The following ALK variants were observed in gnomAD, a reference collection of about 807,000 sequenced individuals.
ALK encodes the protein ALK receptor tyrosine kinase, also known as ALK tyrosine kinase receptor.
ALK carries 74 observed loss-of-function variants against 163.1 expected under a neutral mutation model. The ratio of observed to expected loss-of-function variants is 0.45; its 90% CI spans 0.38 to 0.55. The LOEUF is 0.55. Among genes scored for constraint, ALK ranks in the 20% least tolerant of loss-of-function variants. The probability of loss-of-function intolerance (pLI) is 0.00; values close to 1 mark genes in which losing one functional copy is unlikely to be tolerated. For synonymous variants in ALK, 960 were observed against 843.2 expected (o/e 1.14, Z -2.40); for missense variants, 2,063 against 2,105.3 (o/e 0.98, Z 0.39).
chr2:29,522,599 G>A (rs1672843867), intron 4 of ALK, among the ~76,000 whole-genome samples: 1 of 152,110 alleles, frequency 6.6e-6, no homozygotes, highest in Non-Finnish European at 1.5e-5. Context: ...TGGTCACAAG[G>A]CTACATGGTC....
intron 1 of ALK, among the ~76,000 whole-genome samples, chr2:29,759,945 T>C (rs1680653431): frequency 6.6e-6 from 1 of 152,232 alleles, no homozygotes; most frequent in East Asian, 1.9e-4. Context: ...TGGGAACAGC[T>C]GTTATCAACA....
chr2:29,747,467 A>C (rs777027071), intron 1 of ALK, among the ~76,000 whole-genome samples: 3 of 152,244 alleles, frequency 2.0e-5, no homozygotes, highest in Non-Finnish European at 2.9e-5. Context: ...ATCAGGATAC[A>C]TCGGTTTTGG....
intron 15 of ALK, among the ~76,000 whole-genome samples, chr2:29,229,764 C>G (rs1448583392): frequency 6.6e-6 from 1 of 152,184 alleles, no homozygotes; most frequent in African/African-American, 2.4e-5. Flanking sequence ...AGGCAGAACA[C>G]ACGCGTGCAG....
intron 6 of ALK, 100 bp from the exon 7 acceptor site, chr2:29,320,982 A>G (rs1022161925): frequency 2.1e-6 from 3 of 1,405,836 alleles, no homozygotes; most frequent in East Asian, 2.3e-5. Context: ...AATTATCTTC[A>G]TTAGTAATAT....
rs542062418 is a variant in ALK at position 29,607,038 on chromosome 2, G to A, written c.953-74922C>T. 1.8e-4 allele frequency among the ~76,000 whole-genome samples: 28 copies of A among 152,292 alleles called. 2 individuals carry two copies. The East Asian group carries it at 5.4e-3, about 29-fold the overall frequency. On this transcript the variant is annotated intron_variant, in intron 3 of 28. Coordinates refer to ENST00000389048, the MANE Select transcript of ALK (RefSeq NM_004304.5). ...TCACCTGACCTATCAGCATTCCACA[G>A]AGCATGGGGAGCACAGGCAGTGAAA...
At chr2:29,656,643 A>G (rs1189337670) in intron 3 of ALK, among the ~76,000 whole-genome samples, 8 of 152,204 alleles carry the variant, frequency 5.3e-5, no homozygotes, top group Non-Finnish European at 8.8e-5. Flanking sequence ...AAGGAACCTG[A>G]AACACAAAGA....
intron 5 of ALK, among the ~76,000 whole-genome samples, chr2:29,377,595 G>A (rs185367541): frequency 6.6e-5 from 10 of 152,150 alleles, no homozygotes; most frequent in Admixed American, 3.9e-4. Context: ...GGTTCTAGGC[G>A]CCCCCAAAGA....
chr2:29,729,349 A>AAGAGAG, intron 1 of ALK, among the ~76,000 whole-genome samples: 1 of 152,304 alleles, frequency 6.6e-6, no homozygotes, highest in South Asian at 2.1e-4. Context: ...GAGAGAAAAG[A>AAGAGAG]AGAGAGAGGA....
chr2:29,226,503 G>T, intron 18 of ALK, among the ~76,000 whole-genome samples: 1 of 135,774 alleles, frequency 7.4e-6, no homozygotes. Context: ...AAAAAAAAAA[G>T]AGGAGGAGAA....
At chr2:29,844,212 C>G (rs113578780) in intron 1 of ALK, among the ~76,000 whole-genome samples, 1 of 152,100 alleles carries the variant, frequency 6.6e-6, no homozygotes, top group African/African-American at 2.4e-5. Flanking sequence ...AAGAAAACAA[C>G]GCATGCATAT....
chr2:29,759,524 T>G (rs935426646), intron 1 of ALK, among the ~76,000 whole-genome samples: 2 of 152,204 alleles, frequency 1.3e-5, no homozygotes, highest in African/African-American at 4.8e-5. Flanking sequence ...CAGGATACAG[T>G]GCAGGAATCT....
chr2:29,661,433 T>C (rs1011972326), intron 3 of ALK, among the ~76,000 whole-genome samples: 1 of 152,224 alleles, frequency 6.6e-6, no homozygotes, highest in Non-Finnish European at 1.5e-5. Context: ...TGCATTTTCA[T>C]TGAATGATAT....
chr2:29,548,610 G>A (rs1283472559), intron 3 of ALK, among the ~76,000 whole-genome samples: 1 of 152,120 alleles, frequency 6.6e-6, no homozygotes, highest in East Asian at 1.9e-4. Flanking sequence ...TCATCGCAGC[G>A]AAGGCTTCTG....
chr2:29,688,934 C>T (rs1290290395), intron 3 of ALK, among the ~76,000 whole-genome samples: 1 of 152,202 alleles, frequency 6.6e-6, no homozygotes, highest in African/African-American at 2.4e-5. Flanking sequence ...GAAGCCTGCA[C>T]TAGCACATTT....
At chr2:29,593,213 G>C (rs1287006132) in intron 3 of ALK, among the ~76,000 whole-genome samples, 1 of 152,202 alleles carries the variant, frequency 6.6e-6, no homozygotes, top group Non-Finnish European at 1.5e-5. Context: ...ATTGGTCTGT[G>C]AAGGGGCCTT....
In ALK at chr2:29,470,874, A is replaced by T. The variant is rs1254286541; in HGVS notation, c.1154+61041T>A. Among the ~76,000 whole-genome samples the T allele has an allele frequency of 1.3e-5, 2 of 152,186 alleles. 1 individual carries two copies. The highest frequency in any genetic ancestry group is 2.9e-5 in the Non-Finnish European group (2 of 68,032). On this transcript the variant is annotated intron_variant, in intron 4 of 28. Coordinates refer to ENST00000389048, the MANE Select transcript of ALK (RefSeq NM_004304.5). ...ATTAATATAATAATAGTGTCTTCAG[A>T]TATGTAAAATATGTGTAGCTGTAAA...
intron 4 of ALK, among the ~76,000 whole-genome samples, chr2:29,399,616 T>G (rs1669394206): frequency 6.6e-6 from 1 of 152,224 alleles, no homozygotes; most frequent in Non-Finnish European, 1.5e-5. Flanking sequence ...TGAAGACTCC[T>G]GCAAGTGGGA....
intron 4 of ALK, among the ~76,000 whole-genome samples, chr2:29,490,993 C>T (rs915414436): frequency 2.0e-5 from 3 of 152,130 alleles, no homozygotes; most frequent in African/African-American, 7.2e-5. Flanking sequence ...TGCTACATTT[C>T]AGTGAGAAGT....
intron 1 of ALK, among the ~76,000 whole-genome samples, chr2:29,738,176 G>A (rs947427944): frequency 6.6e-6 from 1 of 151,856 alleles, no homozygotes; most frequent in Non-Finnish European, 1.5e-5. Context: ...CCCTTGTTCT[G>A]TTCTTGAACT....
Sources: allele counts gnomAD v4.1 joint callset (sites outside exome capture counted in the v4.1 genomes callset), GRCh38; gene constraint gnomAD v4.1.1; transcripts MANE v1.5; gene names NCBI Gene and HGNC (gene_info 2026-07-23, HGNC 2026-07-21).